UBP1: variants seen among roughly 807,000 people sequenced by gnomAD.
The protein encoded by UBP1 is upstream binding protein 1.
In UBP1, 22 loss-of-function variants were observed where a neutral mutation model predicts 76.1. The observed-to-expected ratio is 0.29, with a 90% CI of 0.21 to 0.41. UBP1 has a LOEUF of 0.41. Among genes scored for constraint, UBP1 ranks in the 10% least tolerant of loss-of-function variants. UBP1 has a pLI of 1.00. For synonymous variants in UBP1, 224 were observed against 237.1 expected (o/e 0.94, Z 0.51); for missense variants, 436 against 668.1 (o/e 0.65, Z 3.83).
chr3:33,405,434 A>G (rs988786588), intron 8 of UBP1, among the ~76,000 whole-genome samples: 2 of 152,192 alleles, frequency 1.3e-5, no homozygotes, highest in Non-Finnish European at 1.5e-5. Context: ...ACGCCAGAAC[A>G]TTGCCTCCTT....
In UBP1 at chr3:33,409,476, T is replaced by A. The variant is rs746611703; in HGVS notation, c.681A>T (p.Ser227=). 2 of 1,614,218 alleles carry A rather than the reference T, an allele frequency of 1.2e-6. No individual in the cohort carries two copies. The highest frequency in any genetic ancestry group is 1.7e-6 in the Non-Finnish European group (2 of 1,180,026). ...TAAAAACTTTGATTTGGCAGCTAGC[T>A]GAGTGTAGATGATCTGTGTATTCTC... ...ENGEYTDHLH[S]ASCQIKVFKP... The change falls in exon 6 of 16, where the codon TCA becomes TCT. Residue 227 remains serine (S), a synonymous_variant. Coordinates refer to ENST00000283629, the MANE Select transcript of UBP1 (RefSeq NM_014517.5).
chr3:33,400,404 C>A, intron 10 of UBP1, 122 bp from the exon 11 acceptor site: 1 of 633,574 alleles, frequency 1.6e-6, no homozygotes, highest in Non-Finnish European at 2.6e-6. Context: ...GAGTCTGACT[C>A]CAGCAACCCA....
At chr3:33,404,973 T>C (rs1477440077) in intron 8 of UBP1, among the ~76,000 whole-genome samples, 1 of 152,216 alleles carries the variant, frequency 6.6e-6, no homozygotes, top group Non-Finnish European at 1.5e-5. Flanking sequence ...GTAATAAATA[T>C]TCATCAAAAT....
At chr3:33,400,590 T>C (rs1575459108) in intron 10 of UBP1, among the ~76,000 whole-genome samples, 1 of 152,292 alleles carries the variant, frequency 6.6e-6, no homozygotes, top group Non-Finnish European at 1.5e-5. Context: ...AGACTTATAT[T>C]CTCACTTATA....
chr3:33,412,320 T>C (rs939866691), intron 4 of UBP1, among the ~76,000 whole-genome samples: 1 of 151,878 alleles, frequency 6.6e-6, no homozygotes, highest in African/African-American at 2.4e-5. Flanking sequence ...CTCGGTTCTT[T>C]ATAATACGAG....
intron 15 of UBP1, 187 bp from the exon 16 acceptor site, chr3:33,390,555 C>T (rs2043719187): frequency 1.6e-6 from 1 of 633,950 alleles, no homozygotes. Flanking sequence ...TGTACACATT[C>T]CCTTTTTAGA....
At chr3:33,407,598 T>C (rs1439247259) in intron 8 of UBP1, among the ~76,000 whole-genome samples, 8 of 151,594 alleles carry the variant, frequency 5.3e-5, no homozygotes, top group Non-Finnish European at 1.2e-4. Flanking sequence ...GTGCTTCCAG[T>C]GGCACTAGGA....
chr3:33,416,560 G>T lies in UBP1; in HGVS notation c.342+198C>A, dbSNP rs550672802. Among the ~76,000 whole-genome samples the T allele has an allele frequency of 2.6e-5, 4 of 152,224 alleles. No homozygotes were observed. In the East Asian group the frequency reaches 7.7e-4, roughly 29 times the overall value. ...ACAACTAACTTTTCTATTGCTCCTT[G>T]ATTTCCAAGGGTCTTTCAAAATTAC... On this transcript the variant is annotated intron_variant, in intron 3 of 15. Coordinates refer to ENST00000283629, the MANE Select transcript of UBP1 (RefSeq NM_014517.5).
intron 1 of UBP1, among the ~76,000 whole-genome samples, chr3:33,437,488 C>A (rs1379611155): frequency 6.6e-6 from 1 of 152,190 alleles, no homozygotes; most frequent in African/African-American, 2.4e-5. Flanking sequence ...GATGAGGAAA[C>A]CATTCCCTAA....
Position 33,409,590 on chromosome 3 carries a change from G to A in UBP1, c.567C>T (p.Ile189=). The A allele has an allele frequency of 6.2e-7, 1 of 1,614,162 alleles. No individual in the cohort carries two copies. The highest frequency in any genetic ancestry group is 8.5e-7 in the Non-Finnish European group (1 of 1,180,038). The change falls in exon 6 of 16, where the codon ATC becomes ATT. Residue 189 remains isoleucine (I), a synonymous_variant. Coordinates refer to ENST00000283629, the MANE Select transcript of UBP1 (RefSeq NM_014517.5). The part of the protein sequence containing the change: ...RTSAFIQVHC[I]STEFTPRKHG... Reference sequence around the variant, plus strand: ...GCTTCCGTGGAGTAAATTCTGTGCTGATGCAGTGTACCTATAAAACGATTC... The same window carrying A: ...GCTTCCGTGGAGTAAATTCTGTGCTAATGCAGTGTACCTATAAAACGATTC...
chr3:33,408,819 G>A, intron 7 of UBP1, 22 bp from the exon 8 acceptor site: 1 of 1,590,504 alleles, frequency 6.3e-7, no homozygotes, highest in Non-Finnish European at 8.6e-7. Flanking sequence ...CCAAAGATTG[G>A]GATCAATGTC....
chr3:33,400,813 T>C, intron 10 of UBP1, 149 bp downstream of exon 10: 2 of 712,470 alleles, frequency 2.8e-6, no homozygotes, highest in Admixed American at 3.2e-5. Flanking sequence ...ACTCAGGTGA[T>C]GGACACCCAA....
chr3:33,394,019 TTTTG>T (rs1479981158), intron 13 of UBP1, among the ~76,000 whole-genome samples: 56 of 149,996 alleles, frequency 3.7e-4, no homozygotes, highest in African/African-American at 1.1e-3. Flanking sequence ...TCATAGTTCT[TTTTG>T]TTTATTTTTT....
chr3:33,440,710 C>G (rs1047872675), upstream of UBP1: 9 of 152,318 alleles, frequency 5.9e-5, no homozygotes, highest in Non-Finnish European at 1.2e-4. Flanking sequence ...CCGTGAGTCT[C>G]TGTGTCCCCC....
chr3:33,402,734 G>C (rs2044276322), intron 9 of UBP1, 67 bp downstream of exon 9: 1 of 1,172,234 alleles, frequency 8.5e-7, no homozygotes, highest in African/African-American at 1.6e-5. Context: ...TGTACATGGA[G>C]AGATGGGGAA....
chr3:33,437,673 T>C (rs1364484430), intron 1 of UBP1, among the ~76,000 whole-genome samples: 1 of 152,240 alleles, frequency 6.6e-6, no homozygotes, highest in African/African-American at 2.4e-5. Context: ...AGATAAGCTT[T>C]CCTTCCCACT....
intron 1 of UBP1, among the ~76,000 whole-genome samples, chr3:33,427,651 T>TC (rs2045041092): frequency 6.6e-6 from 1 of 152,148 alleles, no homozygotes; most frequent in Admixed American, 6.5e-5. Context: ...CCACCAGTAG[T>TC]CCCTACTCCC....
intron 1 of UBP1, among the ~76,000 whole-genome samples, chr3:33,432,029 C>G (rs2045122612): frequency 6.6e-6 from 1 of 151,924 alleles, no homozygotes. Context: ...TTTACTCATC[C>G]AAAGAAAGTT....
intron 11 of UBP1, among the ~76,000 whole-genome samples, chr3:33,399,473 TAGC>T (rs1410007222): frequency 6.6e-6 from 1 of 152,142 alleles, no homozygotes; most frequent in Non-Finnish European, 1.5e-5. Context: ...AAACACTACT[TAGC>T]AGTAAAAAGG....
Sources: allele counts gnomAD v4.1 joint callset (sites outside exome capture counted in the v4.1 genomes callset), GRCh38; gene constraint gnomAD v4.1.1; transcripts MANE v1.5; gene names NCBI Gene and HGNC (gene_info 2026-07-23, HGNC 2026-07-21).